PTPN14: variants seen among roughly 807,000 people sequenced by gnomAD.
PTPN14 encodes protein tyrosine phosphatase non-receptor type 14.
A neutral mutation model predicts 126.8 loss-of-function variants in PTPN14; 53 were observed. The observed-to-expected ratio is 0.42, with a 90% CI of 0.34 to 0.53. PTPN14 has a LOEUF of 0.53. PTPN14 is among the 20% of genes least tolerant of loss of function. PTPN14 has a pLI of 0.08. For missense variants in PTPN14, 1,257 were observed against 1,552.9 expected (o/e 0.81, Z 3.20); for synonymous variants, 630 against 599.3 (o/e 1.05, Z -0.75).
rs1248604345 is a variant in PTPN14, at chr1:214,367,786, T to G, written c.3271+1671A>C. 2.0e-5 allele frequency among the ~76,000 whole-genome samples: 3 copies of G among 152,176 alleles called. No individual in the cohort carries two copies. In the East Asian group the frequency reaches 5.8e-4, roughly 29 times the overall value. On this transcript the variant is annotated intron_variant, in intron 17 of 18. Transcript: ENST00000366956. ...CTGAAAAGCAGAGGAGGGTATCAGA[T>G]CTCATCTTTGGACGATGATGACTGG...
At chr1:214,496,046 T>C (rs1430258944) in intron 1 of PTPN14, among the ~76,000 whole-genome samples, 1 of 152,178 alleles carries the variant, frequency 6.6e-6, no homozygotes, top group African/African-American at 2.4e-5. Context: ...CAACACTTCA[T>C]GTTTCTTTTC....
chr1:214,383,789 A>C lies in PTPN14; in HGVS notation c.2066T>G (p.Leu689Arg), dbSNP rs1232841362. ...EGSGSHEVPQ[L>R]PQYHHKKTFS... ...GGTCTTCTTGTGGTGATACTGAGGGAGCTGGGGGACCTCGTGGCTGCCTGA... is the reference window on the plus strand; with the variant it reads ...GGTCTTCTTGTGGTGATACTGAGGGCGCTGGGGGACCTCGTGGCTGCCTGA... Residue 689 changes from leucine to arginine, a missense_variant, in exon 13 of 19, where the codon CTC (leucine) becomes CGC (arginine). Leu to Arg is a moderately radical substitution (Grantham distance 102). Transcript: ENST00000366956. This position sits in a 1 kb window ranked among gnomAD's most constrained non-coding sequence, Gnocchi z 4.4. The C allele has an allele frequency of 1.2e-6, 2 of 1,612,872 alleles. No individual in the cohort carries two copies. Among genetic ancestry groups the C allele is most frequent in the Admixed American group, 3.3e-5 (2 of 60,014 alleles).
At chr1:214,372,968 G>A in intron 15 of PTPN14, 129 bp from the exon 16 acceptor site, 1 of 1,309,200 alleles carries the variant, frequency 7.6e-7, no homozygotes, top group South Asian at 1.5e-5. Context: ...TTAGTTCAAT[G>A]AACAAAAACC....
chr1:214,504,506 C>G (rs139466875), intron 1 of PTPN14, among the ~76,000 whole-genome samples: 61 of 152,310 alleles, frequency 4.0e-4, no homozygotes, highest in African/African-American at 1.4e-3. Context: ...TCCAACTTGA[C>G]GCAAGCAAAT....
At chr1:214,403,795 G>A (rs1182033667) in intron 5 of PTPN14, among the ~76,000 whole-genome samples, 1 of 152,234 alleles carries the variant, frequency 6.6e-6, no homozygotes, top group Non-Finnish European at 1.5e-5. Context: ...AGATTCTAGA[G>A]TTTGTCTCAT....
intron 1 of PTPN14, among the ~76,000 whole-genome samples, chr1:214,549,733 C>A (rs1274843369): frequency 6.6e-6 from 1 of 152,050 alleles, no homozygotes; most frequent in Non-Finnish European, 1.5e-5. Flanking sequence ...GAGCATGGGC[C>A]AATTAAAATG....
chr1:214,524,897 G>A (rs1282172906), intron 1 of PTPN14, among the ~76,000 whole-genome samples: 1 of 152,000 alleles, frequency 6.6e-6, no homozygotes, highest in Admixed American at 6.6e-5. Context: ...AACACCCCAA[G>A]TGTCTCAAAT....
intron 1 of PTPN14, among the ~76,000 whole-genome samples, chr1:214,473,023 C>A (rs751172992): frequency 6.6e-6 from 1 of 152,156 alleles, no homozygotes. Context: ...ATACAGAAAA[C>A]CTTCAGGCAC....
chr1:214,490,725 T>A (rs1048458381), intron 1 of PTPN14, among the ~76,000 whole-genome samples: 1 of 150,276 alleles, frequency 6.7e-6, no homozygotes, highest in African/African-American at 2.5e-5. Flanking sequence ...TAATCCCAGC[T>A]ACTTCGGAGG....
intron 2 of PTPN14, among the ~76,000 whole-genome samples, chr1:214,452,463 G>C (rs1338994352): frequency 6.6e-6 from 1 of 152,206 alleles, no homozygotes; most frequent in South Asian, 2.1e-4. Flanking sequence ...TACAGTACCA[G>C]ATTTTAACGG....
chr1:214,403,084 T>A, intron 5 of PTPN14, 131 bp from the exon 6 acceptor site: 1 of 821,424 alleles, frequency 1.2e-6, no homozygotes, highest in African/African-American at 1.7e-5. Context: ...TTTACTGCTG[T>A]AGAATTAAAG....
intron 1 of PTPN14, among the ~76,000 whole-genome samples, chr1:214,485,730 C>CTT (rs572888987): frequency 1.4e-5 from 2 of 145,868 alleles, no homozygotes; most frequent in Admixed American, 6.9e-5. Context: ...TTTTATATTT[C>CTT]TTTTTTTTTT....
At chr1:214,405,666 T>C (rs1279988739) in intron 5 of PTPN14, among the ~76,000 whole-genome samples, 3 of 150,456 alleles carry the variant, frequency 2.0e-5, no homozygotes, top group Non-Finnish European at 4.4e-5. Flanking sequence ...TTCAACGGTC[T>C]TATATTTGCA....
intron 17 of PTPN14, among the ~76,000 whole-genome samples, chr1:214,367,207 A>C (rs1658101925): frequency 2.0e-5 from 3 of 152,176 alleles, no homozygotes; most frequent in Admixed American, 1.3e-4. Flanking sequence ...AAAGAAATAC[A>C]ATGAGCACTG....
intron 1 of PTPN14, among the ~76,000 whole-genome samples, chr1:214,523,146 T>G (rs1655300499): frequency 6.6e-6 from 1 of 152,042 alleles, no homozygotes; most frequent in African/African-American, 2.4e-5. Flanking sequence ...CAAGGACAGG[T>G]CAGATCCATC....
At chr1:214,359,867 T>C (rs1212676673) in intron 18 of PTPN14, among the ~76,000 whole-genome samples, 1 of 152,222 alleles carries the variant, frequency 6.6e-6, no homozygotes, top group Non-Finnish European at 1.5e-5. Flanking sequence ...AGATTGCCTA[T>C]GTGTGAATTC....
Position 214,357,860 on chromosome 1 carries a change from G to A in PTPN14, c.*62C>T, listed in dbSNP as rs901771547. 7.3e-6 allele frequency: 11 copies of A among 1,514,662 alleles called. No individual in the cohort carries two copies. In the African/African-American group the frequency reaches 1.5e-4, roughly 21 times the overall value. 93.8% of individuals were successfully genotyped at this position (1,514,662 alleles called of 1,614,324 possible). Reference sequence around the variant, plus strand: ...CTGTGGGGGGAGCAGATGTTGTCTGGAGGTGACTCTCCTCCAGCGCGATGG... The same window carrying A: ...CTGTGGGGGGAGCAGATGTTGTCTGAAGGTGACTCTCCTCCAGCGCGATGG... On this transcript the variant is annotated 3_prime_UTR_variant, in exon 19 of 19. Coordinates refer to ENST00000366956, the MANE Select transcript of PTPN14 (RefSeq NM_005401.5).
chr1:214,383,692 C>T lies in PTPN14; in HGVS notation c.2163G>A (p.Val721=). The T allele has an allele frequency of 1.9e-6, 3 of 1,613,428 alleles. No homozygotes were observed. Among genetic ancestry groups the T allele is most frequent in the Non-Finnish European group, 2.5e-6 (3 of 1,180,030 alleles). The change falls in exon 13 of 19, where the codon GTG becomes GTA. Residue 721 remains valine (V), a synonymous_variant. Coordinates refer to ENST00000366956, the MANE Select transcript of PTPN14 (RefSeq NM_005401.5). The surrounding 1 kb of genome is among the most constrained non-coding windows in gnomAD (Gnocchi z 4.4). ...TCTCCCGGAGCATGGGGATCTGGGG[C>T]ACCGATTCTGGAGCCTCCTCCTCCT... The part of the protein sequence containing the change: ...EEEEEEAPES[V]PQIPMLREKM...
intron 1 of PTPN14, among the ~76,000 whole-genome samples, chr1:214,510,810 C>A (rs1654954516): frequency 6.6e-6 from 1 of 152,226 alleles, no homozygotes; most frequent in African/African-American, 2.4e-5. Context: ...AATGAATGAT[C>A]TGTCCTCCAA....
Sources: gnomAD v4.1 joint callset for allele counts (sites outside exome capture counted in the v4.1 genomes callset) on GRCh38, gnomAD v4.1.1 for gene constraint, Gnocchi (gnomAD v3.1) non-coding constraint, MANE v1.5 for transcripts, NCBI Gene and HGNC (gene_info 2026-07-23, HGNC 2026-07-21) for gene names.